The following RYR1 variants were observed in gnomAD, a reference collection of about 807,000 sequenced individuals.
RYR1 encodes ryanodine receptor 1.
RYR1 carries 342 observed loss-of-function variants against 583.5 expected under a neutral mutation model. That is an observed-to-expected ratio of 0.59 (90% CI 0.54 to 0.64). The LOEUF (loss-of-function observed/expected upper bound fraction) is 0.64. Ranked by LOEUF, RYR1 falls within the 30% of genes least tolerant of loss-of-function variation. RYR1 has a pLI of 0.00. For synonymous variants in RYR1, 2,791 were observed against 2,822.5 expected (o/e 0.99, Z 0.35); for missense variants, 6,032 against 6,917.2 (o/e 0.87, Z 4.54).
chr19:38,569,367 T>TA lies in RYR1; in HGVS notation c.13660-1239dup, dbSNP rs1973609372. ...CTCCTTGCAGAGCAGGGCTACCCTC[T>TA]AGGCAGTGCACCCAGAGTAGCCAAA... On this transcript the variant is annotated intron_variant, in intron 93 of 105. Coordinates refer to ENST00000359596, the MANE Select transcript of RYR1 (RefSeq NM_000540.3). Among the ~76,000 whole-genome samples, 3 of 151,950 alleles carry TA rather than the reference T, an allele frequency of 2.0e-5. No individual in the cohort carries two copies. The South Asian group carries it at 6.2e-4, about 31-fold the overall frequency.
At chr19:38,498,934 A>G (rs539559880) in intron 42 of RYR1, among the ~76,000 whole-genome samples, 174 bp from the exon 43 acceptor site, 19 of 152,328 alleles carry the variant, frequency 1.2e-4, no homozygotes, top group Admixed American at 5.2e-4. Flanking sequence ...CTCCTGTTCA[A>G]GATGGAGTTG....
In RYR1 at chr19:38,504,848, C is replaced by A. The variant is rs1185074728; in HGVS notation, c.8168C>A (p.Ala2723Glu). 1.2e-6 allele frequency: 2 copies of A among 1,614,094 alleles called. No individual in the cohort carries two copies. Among genetic ancestry groups the A allele is most frequent in the South Asian group, 2.2e-5 (2 of 91,076 alleles). ...DYVDASYSSKAEKKATVDAEG... is the reference protein window; with the variant it reads ...DYVDASYSSKEEKKATVDAEG... ...GTGGATGCCTCATACTCATCTAAGG[C>A]AGAGAAAAAGGCCACAGTGGATGCT... Residue 2723 changes from alanine (A) to glutamate (E), a missense_variant, in exon 51 of 106, where the codon GCA becomes GAA. This residue lies in a region of RYR1 where 1,493 missense variants were observed against 1,715.5 expected (regional missense o/e 0.87). Transcript: ENST00000359596.
At chr19:38,566,839 G>A (rs1440974022) in intron 91 of RYR1, 72 bp from the exon 92 acceptor site, 1 of 1,555,726 alleles carries the variant, frequency 6.4e-7, no homozygotes, top group African/African-American at 1.4e-5. Context: ...GAAAGGAGAT[G>A]AGAGGAGCAG....
intron 84 of RYR1, among the ~76,000 whole-genome samples, chr19:38,538,826 A>G (rs1022523289): frequency 2.2e-4 from 34 of 152,226 alleles, no homozygotes; most frequent in South Asian, 2.1e-4. Context: ...CACAACATCA[A>G]TGATGAGAAA....
intron 42 of RYR1, among the ~76,000 whole-genome samples, chr19:38,497,205 G>T (rs116989106): frequency 6.7e-6 from 1 of 149,334 alleles, no homozygotes; most frequent in Non-Finnish European, 1.5e-5. Flanking sequence ...CTACGCTTCC[G>T]GGATGGGGGC....
intron 37 of RYR1, 68 bp downstream of exon 37, chr19:38,490,800 C>G (rs1969519646): frequency 1.0e-6 from 1 of 988,528 alleles, no homozygotes; most frequent in East Asian, 2.4e-5. Context: ...AGAAGTTTCC[C>G]TAAGATTTCC....
intron 70 of RYR1, among the ~76,000 whole-genome samples, chr19:38,524,920 C>T (rs534456447): frequency 5.1e-4 from 77 of 151,800 alleles, no homozygotes; most frequent in African/African-American, 1.8e-3. Flanking sequence ...AGGCCCAGAA[C>T]GGGGGAAAAT....
chr19:38,505,169 C>A, intron 52 of RYR1, 88 bp downstream of exon 52: 1 of 1,305,076 alleles, frequency 7.7e-7, no homozygotes, highest in South Asian at 1.2e-5. Flanking sequence ...CCAGATCTCC[C>A]TGAGACCCCC....
At chr19:38,474,545 G>A (rs1164831950) in intron 28 of RYR1, among the ~76,000 whole-genome samples, 1 of 139,422 alleles carries the variant, frequency 7.2e-6, no homozygotes, top group East Asian at 2.2e-4. Context: ...TTATAGACAT[G>A]AGCTACCACG....
rs371599963 is a variant in RYR1 at position 38,448,433 on chromosome 19, C to T, written c.879C>T (p.Thr293=). ...CTACCGGGCAGTACCTAGCGCTCAC[C>T]GAGGACCAGGGCCTGGTGGTGGTTG... ...HVTTGQYLAL[T]EDQGLVVVDA... The change falls in exon 10 of 106, where the codon ACC becomes ACT. Residue 293 remains threonine, a synonymous_variant. Transcript: ENST00000359596. 64 of 1,613,576 alleles carry T rather than the reference C, an allele frequency of 4.0e-5. No individual in the cohort carries two copies. Among genetic ancestry groups the T allele is most frequent in the Non-Finnish European group, 5.1e-5 (60 of 1,180,024 alleles).
intron 89 of RYR1, among the ~76,000 whole-genome samples, chr19:38,549,875 TTGTGTGTGTGTGTGTGTGTGTG>T (rs150566334): frequency 0.039 from 4,805 of 122,254 alleles, 105 homozygotes; most frequent in Admixed American, 0.055. Flanking sequence ...CCAGCTAAAT[TTGTGTGTGTGTGTGTGTGTGTG>T]TGTGTGTGTG....
At chr19:38,574,488 T>C (rs1432656613) in intron 96 of RYR1, among the ~76,000 whole-genome samples, 1 of 151,632 alleles carries the variant, frequency 6.6e-6, no homozygotes, top group Non-Finnish European at 1.5e-5. Flanking sequence ...CCAGACATGC[T>C]AGCCTGGCTA....
At chr19:38,572,912 C>T (rs1973785757) in intron 95 of RYR1, among the ~76,000 whole-genome samples, 1 of 150,722 alleles carries the variant, frequency 6.6e-6, no homozygotes, top group Non-Finnish European at 1.5e-5. Context: ...CCTATCCCGG[C>T]CCTGACCCCT....
chr19:38,548,191 A>G, intron 88 of RYR1, 42 bp from the exon 89 acceptor site: 1 of 1,611,772 alleles, frequency 6.2e-7, no homozygotes, highest in Non-Finnish European at 8.5e-7. Flanking sequence ...GGGCCCCAGA[A>G]GGGAGTGTTC....
chr19:38,460,984 T>TCAAAA (rs761405021), intron 20 of RYR1, among the ~76,000 whole-genome samples: 3 of 151,604 alleles, frequency 2.0e-5, no homozygotes, highest in Non-Finnish European at 4.4e-5. Context: ...AAACTCCATG[T>TCAAAA]CAAAACAAAA....
chr19:38,560,990 G>A, intron 89 of RYR1, 123 bp from the exon 90 acceptor site: 1 of 867,122 alleles, frequency 1.2e-6, no homozygotes, highest in Non-Finnish European at 1.8e-6. Flanking sequence ...GGGTTGAGCT[G>A]TGATTGCGCC....
At chr19:38,502,457 G>A (rs1970166745) in intron 47 of RYR1, 50 bp from the exon 48 acceptor site, 1 of 1,538,108 alleles carries the variant, frequency 6.5e-7, no homozygotes, top group Non-Finnish European at 8.8e-7. Flanking sequence ...AGGTGCCAGA[G>A]CAGCCCCAGG....
At chr19:38,456,862 C>T (rs1296658279) in intron 16 of RYR1, among the ~76,000 whole-genome samples, 1 of 150,920 alleles carries the variant, frequency 6.6e-6, no homozygotes, top group Admixed American at 6.6e-5. Flanking sequence ...CTGGCTAATG[C>T]GGTGAAACCC....
Position 38,578,013 on chromosome 19 carries a change from G to C in RYR1, c.14268G>C (p.Glu4756Asp). ...LATLEITAHN[E>D]RKPNPPPGLL... ...CACTAGAGATCACAGCCCACAATGAGCGCAAGCCCAACCCGCCGCCAGGGC... is the reference window on the plus strand; with the variant it reads ...CACTAGAGATCACAGCCCACAATGACCGCAAGCCCAACCCGCCGCCAGGGC... The change falls in exon 98 of 106, where the codon GAG becomes GAC. Residue 4756 changes from glutamate to aspartate, a missense_variant. Physicochemically the swap from Glu to Asp is conservative, Grantham distance 45. Coordinates refer to ENST00000359596, the MANE Select transcript of RYR1 (RefSeq NM_000540.3). The C allele has an allele frequency of 6.2e-7, 1 of 1,614,152 alleles. No individual in the cohort carries two copies.
Sources: gnomAD v4.1 joint callset for allele counts (sites outside exome capture counted in the v4.1 genomes callset) on GRCh38, gnomAD v4.1.1 for gene constraint, gnomAD v4.1.1 regional missense constraint, MANE v1.5 for transcripts, NCBI Gene and HGNC (gene_info 2026-07-23, HGNC 2026-07-21) for gene names.